Variants in KCNT2 observed in about 807,000 individuals in gnomAD.
The protein encoded by KCNT2 is potassium sodium-activated channel subfamily T member 2.
KCNT2 carries 67 observed loss-of-function variants against 153.8 expected under a neutral mutation model. That is an observed-to-expected ratio of 0.44 (90% CI 0.36 to 0.53). The LOEUF (loss-of-function observed/expected upper bound fraction) is 0.53. KCNT2 is among the 20% of genes least tolerant of loss of function. The pLI, the probability that KCNT2 is intolerant of heterozygous loss-of-function variation, is 0.00. For synonymous variants in KCNT2, 500 were observed against 458.8 expected (o/e 1.09, Z -1.15); for missense variants, 975 against 1,354.8 (o/e 0.72, Z 4.40).
At chr1:196,408,777 C>A (rs1481049592) in intron 12 of KCNT2, among the ~76,000 whole-genome samples, 2 of 151,522 alleles carry the variant, frequency 1.3e-5, no homozygotes, top group South Asian at 2.1e-4. Context: ...TCTGCTATAT[C>A]TTTTCTGGTC....
chr1:196,264,997 C>A (rs1166542936), intron 25 of KCNT2, among the ~76,000 whole-genome samples: 1 of 152,148 alleles, frequency 6.6e-6, no homozygotes, highest in Non-Finnish European at 1.5e-5. Context: ...CCAGCCCAAG[C>A]CATTTTTTGA....
At chr1:196,288,923 T>G (rs1436712778) in intron 22 of KCNT2, among the ~76,000 whole-genome samples, 1 of 152,082 alleles carries the variant, frequency 6.6e-6, no homozygotes, top group Non-Finnish European at 1.5e-5. Context: ...CAGTCAAGTG[T>G]TTCCGCTTAC....
intron 1 of KCNT2, among the ~76,000 whole-genome samples, chr1:196,547,931 T>C (rs1657335663): frequency 6.6e-6 from 1 of 151,826 alleles, no homozygotes; most frequent in African/African-American, 2.4e-5. Context: ...CTAGGGATAG[T>C]CTAAAATGCA....
rs767642359 is a variant in KCNT2, at chr1:196,236,056, G to T, written c.3226C>A (p.His1076Asn). The T allele has an allele frequency of 4.4e-6, 7 of 1,588,562 alleles. No homozygotes were observed. The East Asian group carries it at 1.3e-4, about 31-fold the overall frequency. ...AGGATGTAGGAGAGGGTACTTTGAT[G>T]ATCATTCATTTCATCTAGAAGATAA... ...STVGYDEMND[H>N]QSTLSYILIN... The change falls in exon 27 of 28, where the codon CAT becomes AAT. Residue 1076 changes from histidine to asparagine, a missense_variant. By Grantham distance (68) the His-to-Asn change is moderately conservative (BLOSUM62 1). Transcript: ENST00000294725.
chr1:196,294,425 G>A (rs760574469), intron 22 of KCNT2, among the ~76,000 whole-genome samples: 17 of 151,894 alleles, frequency 1.1e-4, no homozygotes, highest in Non-Finnish European at 1.3e-4. Context: ...ACAGACACGC[G>A]CCACCATACC....
At chr1:196,491,864 C>T (rs886302957) in intron 2 of KCNT2, among the ~76,000 whole-genome samples, 21 of 151,976 alleles carry the variant, frequency 1.4e-4, no homozygotes, top group Admixed American at 2.6e-4. Context: ...ATTAAACGTT[C>T]CCTTCCCTAA....
chr1:196,235,342 CAAT>C (rs1654334546), intron 27 of KCNT2, among the ~76,000 whole-genome samples: 1 of 151,396 alleles, frequency 6.6e-6, no homozygotes, highest in Non-Finnish European at 1.5e-5. Flanking sequence ...TCCAACTACT[CAAT>C]AATGTCTCCT....
At chr1:196,571,116 C>T (rs1325273414) in intron 1 of KCNT2, among the ~76,000 whole-genome samples, 1 of 152,014 alleles carries the variant, frequency 6.6e-6, no homozygotes, top group African/African-American at 2.4e-5. Context: ...AATAGTATCT[C>T]ATAGTACCTG....
chr1:196,302,578 T>G (rs151238611), intron 22 of KCNT2, among the ~76,000 whole-genome samples: 7 of 152,256 alleles, frequency 4.6e-5, no homozygotes, highest in African/African-American at 1.7e-4. Context: ...TCACATTGCC[T>G]TCCTTTAATG....
chr1:196,367,627 G>T (rs1192898521), intron 14 of KCNT2, among the ~76,000 whole-genome samples: 1 of 152,106 alleles, frequency 6.6e-6, no homozygotes, highest in Non-Finnish European at 1.5e-5. Flanking sequence ...TGAAAGCATA[G>T]TTTCTTTGCT....
At chr1:196,561,651 T>C (rs1355339143) in intron 1 of KCNT2, among the ~76,000 whole-genome samples, 1 of 1,916 alleles carries the variant, frequency 5.2e-4, no homozygotes, top group Non-Finnish European at 2.2e-3. Flanking sequence ...AGACTTCATC[T>C]CAAAAAAAAA....
intron 3 of KCNT2, among the ~76,000 whole-genome samples, chr1:196,485,638 T>C (rs980311446): frequency 6.9e-5 from 10 of 144,970 alleles, no homozygotes; most frequent in Admixed American, 5.5e-4. Context: ...TCAGAATCCA[T>C]AAAAAAAAAA....
chr1:196,260,176 G>A (rs1301814655), intron 25 of KCNT2, among the ~76,000 whole-genome samples: 5 of 151,764 alleles, frequency 3.3e-5, no homozygotes, highest in East Asian at 1.9e-4. Flanking sequence ...GTCCCTATGA[G>A]TGATAGTTTG....
At chr1:196,327,736 C>G (rs1302214565) in intron 18 of KCNT2, among the ~76,000 whole-genome samples, 1 of 145,578 alleles carries the variant, frequency 6.9e-6, no homozygotes, top group Non-Finnish European at 1.5e-5. Context: ...GTGCAATCAT[C>G]GCTCACTGAA....
chr1:196,297,937 C>G (rs965633038), intron 22 of KCNT2, among the ~76,000 whole-genome samples: 10 of 152,074 alleles, frequency 6.6e-5, no homozygotes, highest in African/African-American at 2.4e-4. Flanking sequence ...GCATTTGGCT[C>G]GTAGTATGTG....
intron 1 of KCNT2, among the ~76,000 whole-genome samples, chr1:196,570,554 T>C (rs2148949099): frequency 6.6e-6 from 1 of 152,250 alleles, no homozygotes; most frequent in South Asian, 2.1e-4. Context: ...AATCCTACTC[T>C]AATCCTACTC....
At chr1:196,438,465 T>C (rs969415697) in intron 8 of KCNT2, among the ~76,000 whole-genome samples, 1 of 151,802 alleles carries the variant, frequency 6.6e-6, no homozygotes, top group Non-Finnish European at 1.5e-5. Flanking sequence ...AGTGGAAATA[T>C]GGGCGATCAT....
intron 19 of KCNT2, among the ~76,000 whole-genome samples, chr1:196,320,222 G>T (rs1369898287): frequency 6.6e-6 from 1 of 151,668 alleles, no homozygotes; most frequent in Non-Finnish European, 1.5e-5. Context: ...AAACTGGAAA[G>T]CTTCCTTAGA....
intron 8 of KCNT2, among the ~76,000 whole-genome samples, chr1:196,430,565 T>C (rs1023309684): frequency 2.0e-5 from 3 of 152,044 alleles, no homozygotes; most frequent in Admixed American, 1.3e-4. Flanking sequence ...TATAAGCCGA[T>C]ACGCTTCCAT....
Sources: allele counts gnomAD v4.1 joint callset (sites outside exome capture counted in the v4.1 genomes callset), GRCh38; gene constraint gnomAD v4.1.1; transcripts MANE v1.5; gene names NCBI Gene and HGNC (gene_info 2026-07-23, HGNC 2026-07-21).